The following HK1 variants were observed in gnomAD, a reference collection of about 807,000 sequenced individuals.
The protein encoded by HK1 is hexokinase-1.
Under a neutral mutation model 91.6 loss-of-function variants are expected in HK1, and 28 were observed. That is an observed-to-expected ratio of 0.31 (90% CI 0.23 to 0.42). The LOEUF is 0.42. Among genes scored for constraint, HK1 ranks in the 10% least tolerant of loss-of-function variants. The pLI is 1.00. For synonymous variants in HK1, 430 were observed against 468.1 expected (o/e 0.92, Z 1.05); for missense variants, 770 against 1,219.8 (o/e 0.63, Z 5.49).
intron 1 of HK1, among the ~76,000 whole-genome samples, chr10:69,275,738 C>A (rs1193288369): frequency 1.3e-5 from 2 of 152,130 alleles, no homozygotes; most frequent in Non-Finnish European, 2.9e-5. Flanking sequence ...TTTATTAAGA[C>A]TTGCTTTATA....
chr10:69,333,073 G>A (rs1285724759), intron 1 of HK1, among the ~76,000 whole-genome samples: 1 of 152,214 alleles, frequency 6.6e-6, no homozygotes, highest in African/African-American at 2.4e-5. Flanking sequence ...TGGAGCTCCT[G>A]TGTATGGTAT....
chr10:69,302,710 T>C (rs1845935296), intron 5 of HK1, among the ~76,000 whole-genome samples: 1 of 148,284 alleles, frequency 6.7e-6, no homozygotes, highest in African/African-American at 2.5e-5. Context: ...GAGCTGTGAT[T>C]GATCCACTGC....
chr10:69,371,325 C>T (rs535685400), intron 7 of HK1, among the ~76,000 whole-genome samples: 2 of 149,334 alleles, frequency 1.3e-5, no homozygotes, highest in South Asian at 2.2e-4. Context: ...TACCCCCCCC[C>T]ACCCCGCCCA....
At chr10:69,279,224 A>G (rs1475207649) in intron 1 of HK1, among the ~76,000 whole-genome samples, 1 of 152,136 alleles carries the variant, frequency 6.6e-6, no homozygotes, top group Non-Finnish European at 1.5e-5. Context: ...CCTGGGCTTT[A>G]GTCTGTCTCT....
At position 69,369,559 on chromosome 10, in the gene HK1, A is replaced by G; in HGVS notation, c.810A>G (p.Leu270=). 1 of 1,614,272 alleles carries G rather than the reference A, an allele frequency of 6.2e-7. No homozygotes were observed. The highest frequency in any genetic ancestry group is 8.5e-7 in the Non-Finnish European group (1 of 1,180,050). Residue 270 remains leucine (L), a synonymous_variant, in exon 7 of 18, where the codon TTA becomes TTG. Transcript: ENST00000359426. The surrounding 1 kb of genome is among the most constrained non-coding windows in gnomAD (Gnocchi z 4.4). ...GAGCCTTTGGAGACGATGGATCATT[A>G]GAAGACATCCGGACAGAGTTTGACA... The part of the protein sequence containing the change: ...EWGAFGDDGS[L]EDIRTEFDRE...
intron 5 of HK1, among the ~76,000 whole-genome samples, chr10:69,304,789 G>C (rs192277016): frequency 6.6e-6 from 1 of 152,214 alleles, no homozygotes; most frequent in South Asian, 2.1e-4. Context: ...GTTGGGATAA[G>C]CTGAGCTAGG....
At chr10:69,346,022 A>G (rs1203552084) in intron 2 of HK1, among the ~76,000 whole-genome samples, 1 of 152,072 alleles carries the variant, frequency 6.6e-6, no homozygotes, top group Non-Finnish European at 1.5e-5. Context: ...CCCCGCAAAG[A>G]CATTGCTGTT....
At chr10:69,384,641 C>G in intron 11 of HK1, 155 bp from the exon 12 acceptor site, 2 of 1,406,366 alleles carry the variant, frequency 1.4e-6, no homozygotes, top group Non-Finnish European at 2.0e-6. Context: ...TTGTGACACT[C>G]TGGTGGCTGA....
chr10:69,340,766 A>G (rs1230014317), intron 1 of HK1, among the ~76,000 whole-genome samples: 1 of 152,050 alleles, frequency 6.6e-6, no homozygotes, highest in Non-Finnish European at 1.5e-5. Context: ...AACTCTCATC[A>G]TGGTTGTAAT....
intron 13 of HK1, among the ~76,000 whole-genome samples, chr10:69,388,749 T>C (rs1268888361): frequency 6.6e-6 from 1 of 152,258 alleles, no homozygotes; most frequent in Non-Finnish European, 1.5e-5. Context: ...GTTTCCTCTT[T>C]CTGACTATTG....
At position 69,330,665 on chromosome 10, in the gene HK1, T is replaced by G. The variant is rs140889211; in HGVS notation, c.63+11655T>G. On this transcript the variant is annotated intron_variant, in intron 1 of 17. Transcript: ENST00000359426. ...CTTCTTCCCTGATGCAGACTCTCAT[T>G]CAAGAAGGTGTCTACCTTATACCCA... is the stretch of plus-strand genomic sequence containing the variant. 7.9e-5 allele frequency among the ~76,000 whole-genome samples: 12 copies of G among 152,224 alleles called. No individual in the cohort carries two copies. In the East Asian group the frequency reaches 2.3e-3, roughly 29 times the overall value.
chr10:69,343,790 C>T (rs750465616), intron 1 of HK1, 37 bp from the exon 2 acceptor site: 27 of 1,571,292 alleles, frequency 1.7e-5, no homozygotes, highest in Non-Finnish European at 2.4e-5. Flanking sequence ...TGTCCTCCCC[C>T]TCGACCTCAC....
intron 2 of HK1, among the ~76,000 whole-genome samples, chr10:69,286,227 G>A (rs937936017): frequency 1.3e-5 from 2 of 152,198 alleles, no homozygotes; most frequent in African/African-American, 2.4e-5. Flanking sequence ...GCTGAGTACA[G>A]TGGCTGACAC....
intron 5 of HK1, among the ~76,000 whole-genome samples, chr10:69,301,326 C>T (rs1845853787): frequency 6.6e-6 from 1 of 151,076 alleles, no homozygotes; most frequent in African/African-American, 2.4e-5. Context: ...GAAAACAATT[C>T]CTGGCTGGGT....
chr10:69,272,117 G>A (rs1358966302), intron 1 of HK1, among the ~76,000 whole-genome samples: 1 of 152,176 alleles, frequency 6.6e-6, no homozygotes, highest in Non-Finnish European at 1.5e-5. Context: ...GCCTGCCTTG[G>A]CCTCCAAAAG....
chr10:69,332,392 T>TCTTTC (rs1369494121), intron 1 of HK1, among the ~76,000 whole-genome samples: 5 of 151,212 alleles, frequency 3.3e-5, no homozygotes, highest in African/African-American at 1.2e-4. Context: ...TTTTTTTCTT[T>TCTTTC]TTTTGAGACA....
chr10:69,389,191 GC>G lies in HK1; in HGVS notation c.1936-5del. Reference sequence around the variant, plus strand: ...TTCCTAAAGCTGTGTCCCTTTCTTTGCAAAGGAATTTGACCTGGACGTGGTG... The same window carrying G: ...TTCCTAAAGCTGTGTCCCTTTCTTTGAAAGGAATTTGACCTGGACGTGGTG... On this transcript the variant is annotated splice_polypyrimidine_tract_variant and splice_region_variant and intron_variant, in intron 13 of 17. Coordinates refer to ENST00000359426, the MANE Select transcript of HK1 (RefSeq NM_000188.3). 6.2e-7 allele frequency: 1 copy of G among 1,611,852 alleles called. No individual in the cohort carries two copies. The highest frequency in any genetic ancestry group is 8.5e-7 in the Non-Finnish European group (1 of 1,178,034).
chr10:69,335,796 C>T (rs935184039), intron 1 of HK1, among the ~76,000 whole-genome samples: 3 of 152,182 alleles, frequency 2.0e-5, no homozygotes, highest in African/African-American at 7.2e-5. Context: ...CACAGGATGG[C>T]AGAGCCAGAA....
intron 2 of HK1, among the ~76,000 whole-genome samples, chr10:69,283,757 G>A (rs1296928469): frequency 1.6e-5 from 2 of 124,394 alleles, no homozygotes; most frequent in African/African-American, 3.2e-5. Context: ...TCGCACCACC[G>A]CACTGCATTC....
Sources: gnomAD v4.1 joint callset for allele counts (sites outside exome capture counted in the v4.1 genomes callset) on GRCh38, gnomAD v4.1.1 for gene constraint, Gnocchi (gnomAD v3.1) non-coding constraint, MANE v1.5 for transcripts, NCBI Gene and HGNC (gene_info 2026-07-23, HGNC 2026-07-21) for gene names.